ANKHD1: variants seen among roughly 807,000 people sequenced by gnomAD.
ANKHD1 encodes ankyrin repeat and KH domain containing 1.
A neutral mutation model predicts 230.5 loss-of-function variants in ANKHD1; 31 were observed. The ratio of observed to expected loss-of-function variants is 0.13; its 90% confidence interval spans 0.10 to 0.18. The LOEUF is 0.18. ANKHD1 is among the 10% of genes least tolerant of loss of function. The pLI is 1.00. For missense variants in ANKHD1, 2,256 were observed against 3,071.3 expected (o/e 0.73, Z 6.27); for synonymous variants, 1,074 against 1,117.6 (o/e 0.96, Z 0.78).
At chr5:140,493,831 A>G (rs1751913401) in intron 14 of ANKHD1, among the ~76,000 whole-genome samples, 1 of 152,180 alleles carries the variant, frequency 6.6e-6, no homozygotes, top group South Asian at 2.1e-4. Context: ...ATTATTTGTT[A>G]ACAAGATAGA....
chr5:140,403,335 T>A (rs1413716780), intron 1 of ANKHD1, among the ~76,000 whole-genome samples: 1 of 152,174 alleles, frequency 6.6e-6, no homozygotes, highest in Non-Finnish European at 1.5e-5. Flanking sequence ...TGTACTCTAA[T>A]GTGTACACAT....
chr5:140,522,679 C>G (rs1753405641), intron 24 of ANKHD1, among the ~76,000 whole-genome samples: 1 of 152,030 alleles, frequency 6.6e-6, no homozygotes, highest in African/African-American at 2.4e-5. Flanking sequence ...GAGCATGTAC[C>G]TATGGATGGA....
intron 1 of ANKHD1, among the ~76,000 whole-genome samples, chr5:140,416,001 TTGTTCAATTCCCACCTATGAG>T (rs1285413412): frequency 6.6e-6 from 1 of 152,126 alleles, no homozygotes; most frequent in Non-Finnish European, 1.5e-5. Context: ...AGTGTTCTCA[TTGTTCAATTCCCACCTATGAG>T]TGAGAACGTG....
intron 10 of ANKHD1, among the ~76,000 whole-genome samples, chr5:140,478,637 T>G (rs1230918840): frequency 2.6e-5 from 4 of 152,142 alleles, no homozygotes; most frequent in East Asian, 1.9e-4. Context: ...TCAGGGTTTT[T>G]GGGTTTTTTT....
chr5:140,514,178 T>A (rs1168974419), intron 24 of ANKHD1, among the ~76,000 whole-genome samples: 1 of 134,352 alleles, frequency 7.4e-6, no homozygotes, highest in Non-Finnish European at 1.6e-5. Context: ...ATCGAGACTC[T>A]CTCTCTATTA....
At chr5:140,512,971 A>T in intron 23 of ANKHD1, 48 bp downstream of exon 23, 1 of 1,513,058 alleles carries the variant, frequency 6.6e-7, no homozygotes. Context: ...TTGTGGAATG[A>T]TATGCCAAAG....
rs970977316 is a variant in ANKHD1 at position 140,409,294 on chromosome 5, A to G, written c.306+7021A>G. On this transcript the variant is annotated intron_variant, in intron 1 of 33. Transcript: ENST00000360839. ...TAGCATGCACTGCTGTAAATTTTCT[A>G]TGGTAAATGTATCATTTTGGGGAAC... 1.1e-4 allele frequency among the ~76,000 whole-genome samples: 16 copies of G among 152,208 alleles called. 1 individual carries two copies. In the East Asian group the frequency reaches 2.5e-3, roughly 24 times the overall value.
chr5:140,514,079 G>A (rs1170837894), intron 24 of ANKHD1, among the ~76,000 whole-genome samples: 3 of 151,626 alleles, frequency 2.0e-5, no homozygotes, highest in Non-Finnish European at 4.4e-5. Flanking sequence ...TAGCTATTCA[G>A]GAGGCTGAAG....
rs1770004498 is a variant in ANKHD1 at position 140,402,260 on chromosome 5, A to T, written c.293A>T (p.Asp98Val). 6.7e-7 allele frequency: 1 copy of T among 1,495,752 alleles called. No homozygotes were observed. The highest frequency in any genetic ancestry group is 8.9e-7 in the Non-Finnish European group (1 of 1,129,116). 92.7% of individuals were successfully genotyped at this position (1,495,752 alleles called of 1,614,324 possible). A position where few individuals can be genotyped will look rare whatever the true frequency, so the allele number is the denominator to read the frequency against. ...GGGGASGSDEDEVSEVESFIL... is the reference protein window; with the variant it reads ...GGGGASGSDEVEVSEVESFIL... The stretch of plus-strand genomic sequence containing the variant: ...GGTGGTGCCTCTGGCAGTGACGAGG[A>T]CGAAGTGTCCGAGGTAAGGCTCCGG... The change falls in exon 1 of 34, where the codon GAC becomes GTC. Residue 98 changes from aspartate to valine, a missense_variant. By Grantham distance (152) the Asp-to-Val change is radical (BLOSUM62 -3). Coordinates refer to ENST00000360839, the MANE Select transcript of ANKHD1 (RefSeq NM_017747.3).
chr5:140,478,959 T>A (rs1285612472), intron 10 of ANKHD1, among the ~76,000 whole-genome samples: 3 of 149,114 alleles, frequency 2.0e-5, no homozygotes, highest in African/African-American at 4.9e-5. Flanking sequence ...ATAGATACTT[T>A]CTTTCTTTAT....
chr5:140,452,181 C>G (rs1774800497), intron 7 of ANKHD1, among the ~76,000 whole-genome samples: 1 of 152,198 alleles, frequency 6.6e-6, no homozygotes, highest in African/African-American at 2.4e-5. Flanking sequence ...GGAGGGGCAC[C>G]CACCATTGCT....
At position 140,512,746 on chromosome 5, in the gene ANKHD1, G is replaced by T. The variant is rs1025488; in HGVS notation, c.4105-82G>T. On this transcript the variant is annotated intron_variant, in intron 22 of 33. Transcript: ENST00000360839. ...AATCAAGGGATTCCTTTGTAATTCTGTTGTTTTACTTTCTTTTATTCTTAA... is the reference window on the plus strand; with the variant it reads ...AATCAAGGGATTCCTTTGTAATTCTTTTGTTTTACTTTCTTTTATTCTTAA... 15,110 of 1,303,876 alleles carry T rather than the reference G, an allele frequency of 0.012. 1,402 individuals carry two copies. In the African/African-American group the frequency reaches 0.2, roughly 17 times the overall value. 80.8% of individuals were successfully genotyped at this position (1,303,876 alleles called of 1,614,324 possible). A position where few individuals can be genotyped will look rare whatever the true frequency, so the allele number is the denominator to read the frequency against.
intron 10 of ANKHD1, among the ~76,000 whole-genome samples, chr5:140,476,322 A>G (rs1750964258): frequency 6.6e-6 from 1 of 152,178 alleles, no homozygotes; most frequent in Non-Finnish European, 1.5e-5. Context: ...AAATGTTTGA[A>G]GAGAATGGTG....
chr5:140,483,779 A>G (rs560239794), intron 11 of ANKHD1, among the ~76,000 whole-genome samples: 1 of 152,272 alleles, frequency 6.6e-6, no homozygotes, highest in Non-Finnish European at 1.5e-5. Flanking sequence ...TTTTAAATGT[A>G]CTTGTTTTCC....
intron 15 of ANKHD1, among the ~76,000 whole-genome samples, chr5:140,498,870 A>C (rs1261930526): frequency 6.6e-6 from 1 of 151,490 alleles, no homozygotes; most frequent in East Asian, 1.9e-4. Context: ...TTTTTTTTAA[A>C]GAATGTAGAA....
At chr5:140,511,302 C>T (rs1202505181) in intron 22 of ANKHD1, among the ~76,000 whole-genome samples, 3 of 152,256 alleles carry the variant, frequency 2.0e-5, no homozygotes, top group African/African-American at 7.2e-5. Flanking sequence ...GCTACTATCC[C>T]CTTTTGCTCA....
At chr5:140,427,642 G>C (rs1353537990) in intron 1 of ANKHD1, among the ~76,000 whole-genome samples, 18 of 146,332 alleles carry the variant, frequency 1.2e-4, no homozygotes, top group African/African-American at 4.3e-4. Context: ...TGGCCGGGCG[G>C]GGGGCTGACC....
chr5:140,497,209 G>A lies in ANKHD1; in HGVS notation c.2935G>A (p.Glu979Lys), dbSNP rs569307421. Residue 979 changes from glutamate to lysine, a missense_variant, in exon 15 of 34, where the codon GAA (glutamate) becomes AAA (lysine). Glu to Lys is a moderately conservative substitution (Grantham distance 56, BLOSUM62 1). Transcript: ENST00000360839. ...TGHDQGLLVQ[E>K]PDGLMVATPA... is the part of the protein sequence containing the mutation. Reference sequence around the variant, plus strand: ...ACATGATCAGGGGCTGTTAGTTCAAGAACCAGATGGACTAATGGTTGCAAC... The same window carrying A: ...ACATGATCAGGGGCTGTTAGTTCAAAAACCAGATGGACTAATGGTTGCAAC... 10 of 1,611,698 alleles carry A rather than the reference G, an allele frequency of 6.2e-6. No individual in the cohort carries two copies. The highest frequency in any genetic ancestry group is 1.3e-5 in the African/African-American group (1 of 75,058).
At chr5:140,404,449 T>G (rs1770246714) in intron 1 of ANKHD1, among the ~76,000 whole-genome samples, 1 of 151,972 alleles carries the variant, frequency 6.6e-6, no homozygotes, top group Admixed American at 6.6e-5. Flanking sequence ...TTGTTTTTTT[T>G]GAGACTGTGT....
Sources: allele counts gnomAD v4.1 joint callset (sites outside exome capture counted in the v4.1 genomes callset), GRCh38; gene constraint gnomAD v4.1.1; transcripts MANE v1.5; gene names NCBI Gene and HGNC (gene_info 2026-07-23, HGNC 2026-07-21).